Variants in TACC2 observed in about 807,000 individuals in gnomAD.
TACC2 encodes the protein transforming acidic coiled-coil-containing protein 2.
TACC2 carries 137 observed loss-of-function variants against 227.3 expected under a neutral mutation model. The ratio of observed to expected loss-of-function variants is 0.60; its 90% confidence interval spans 0.52 to 0.69. TACC2 has a LOEUF of 0.69. Ranked by LOEUF, TACC2 falls within the 30% of genes least tolerant of loss-of-function variation. The probability of loss-of-function intolerance (pLI) is 0.00; values close to 1 mark genes in which losing one functional copy is unlikely to be tolerated. For synonymous variants in TACC2, 1,523 were observed against 1,487.5 expected, an observed-to-expected ratio of 1.02 and a Z score of -0.55; for missense variants, 3,470 against 3,694.4, an observed-to-expected ratio of 0.94 and a Z score of 1.57.
intron 6 of TACC2, among the ~76,000 whole-genome samples, chr10:122,136,754 A>AT (rs2139019702): frequency 6.6e-6 from 1 of 152,184 alleles, no homozygotes; most frequent in Non-Finnish European, 1.5e-5. Flanking sequence ...GTGTTTTGCC[A>AT]TGATGGCCAG....
At chr10:122,216,947 A>C (rs934364157) in intron 11 of TACC2, 119 bp downstream of exon 11, 1 of 1,570,014 alleles carries the variant, frequency 6.4e-7, no homozygotes, top group South Asian at 1.2e-5. Flanking sequence ...TCATTGTGAG[A>C]TCGTCTGCAC....
intron 18 of TACC2, among the ~76,000 whole-genome samples, chr10:122,240,216 C>T (rs967866731): frequency 6.6e-6 from 1 of 152,206 alleles, no homozygotes; most frequent in African/African-American, 2.4e-5. Flanking sequence ...ACGTCCCTTA[C>T]CTCCTTGTGT....
At chr10:122,114,913 T>C (rs2084363562) in intron 5 of TACC2, among the ~76,000 whole-genome samples, 1 of 152,208 alleles carries the variant, frequency 6.6e-6, no homozygotes, top group Non-Finnish European at 1.5e-5. Flanking sequence ...GCTTGAACAT[T>C]TAAAATATTT....
chr10:122,214,233 T>G (rs2095355449), intron 9 of TACC2, among the ~76,000 whole-genome samples: 1 of 152,222 alleles, frequency 6.6e-6, no homozygotes, highest in South Asian at 2.1e-4. Context: ...TTTGAGCCAC[T>G]TAGCAACTAT....
intron 3 of TACC2, among the ~76,000 whole-genome samples, chr10:122,075,164 G>A (rs1352777355): frequency 1.4e-5 from 2 of 143,372 alleles, no homozygotes; most frequent in Middle Eastern, 3.6e-3. Flanking sequence ...TTTTTCTTTC[G>A]CTCTTCACAA....
chr10:122,084,228 T>G lies in TACC2; in HGVS notation c.1728T>G (p.Pro576=), dbSNP rs748429941. Residue 576 remains proline, a synonymous_variant, in exon 4 of 23, where the codon CCT becomes CCG. Coordinates refer to ENST00000369005, the MANE Select transcript of TACC2 (RefSeq NM_206862.4). ...KEGSRSPGDS[P]GGKEEAPEPP... is the part of the protein sequence containing the mutation. ...GAAGCAGATCACCTGGTGACAGCCC[T>G]GGAGGAAAGGAGGAAGCCCCAGAGC... is the stretch of plus-strand genomic sequence containing the variant. 1 of 1,613,860 alleles carries G rather than the reference T, an allele frequency of 6.2e-7. No homozygotes were observed. Among genetic ancestry groups the G allele is most frequent in the African/African-American group, 1.3e-5 (1 of 74,894 alleles).
At chr10:122,094,176 C>T (rs2081128546) in intron 5 of TACC2, among the ~76,000 whole-genome samples, 1 of 152,222 alleles carries the variant, frequency 6.6e-6, no homozygotes. Flanking sequence ...TTTGGAAATG[C>T]AGCCTTTATG....
In TACC2 at chr10:122,050,527, C is replaced by T; in HGVS notation, c.123C>T (p.Ser41=). Reference sequence around the variant, plus strand: ...GGAAGCAGCAGGACACGCCCGGAAGCCCTGACCACAGAGACGCGTCCAGGT... The same window carrying T: ...GGAAGCAGCAGGACACGCCCGGAAGTCCTGACCACAGAGACGCGTCCAGGT... The part of the protein sequence containing the change: ...IKRKQQDTPG[S]PDHRDASSIG... Residue 41 remains serine, a synonymous_variant, in exon 3 of 23, where the codon AGC becomes AGT. Transcript: ENST00000369005. The surrounding 1 kb of genome is among the most constrained non-coding windows in gnomAD (Gnocchi z 4.6). 6.2e-7 allele frequency: 1 copy of T among 1,614,032 alleles called. No individual in the cohort carries two copies. The highest frequency in any genetic ancestry group is 8.5e-7 in the Non-Finnish European group (1 of 1,179,998).
Position 122,150,435 on chromosome 10 carries a change from G to A in TACC2, c.5834+6729G>A, listed in dbSNP as rs894417631. ...GGAGCCCACCCTCCTCCCCGAGCAC[G>A]GCTGCCCAGGGACGGCCCTCGGCTT... On this transcript the variant is annotated intron_variant, in intron 7 of 22. Transcript: ENST00000369005. This position sits in a 1 kb window ranked among gnomAD's most constrained non-coding sequence, Gnocchi z 4.0. Among the ~76,000 whole-genome samples the A allele has an allele frequency of 3.9e-5, 6 of 152,196 alleles. No individual in the cohort carries two copies. The highest frequency in any genetic ancestry group is 9.6e-5 in the African/African-American group (4 of 41,458).
intron 5 of TACC2, among the ~76,000 whole-genome samples, chr10:122,131,378 C>A (rs1314594121): frequency 2.0e-5 from 3 of 151,974 alleles, no homozygotes; most frequent in African/African-American, 7.3e-5. Flanking sequence ...AGGGACCTCC[C>A]CGATGAAATA....
At chr10:122,097,225 A>G (rs2081544674) in intron 5 of TACC2, among the ~76,000 whole-genome samples, 1 of 152,146 alleles carries the variant, frequency 6.6e-6, no homozygotes, top group Non-Finnish European at 1.5e-5. Flanking sequence ...GCTATTCAGG[A>G]GGCTGAGGTG....
intron 7 of TACC2, 37 bp downstream of exon 7, chr10:122,143,743 G>A (rs926947344): frequency 5.0e-6 from 8 of 1,601,140 alleles, no homozygotes; most frequent in South Asian, 1.1e-5. Context: ...ACCTGCCCCC[G>A]GAGAGCAGGG....
chr10:122,008,264 A>ATTATTTTTTTTTT, intron 1 of TACC2, among the ~76,000 whole-genome samples: 3 of 134,654 alleles, frequency 2.2e-5, no homozygotes, highest in African/African-American at 2.8e-5. Context: ...TATTATTATT[A>ATTATTTTTTTTTT]TTTTTTTTTT....
Position 122,086,824 on chromosome 10 carries a change from C to T in TACC2, c.4324C>T (p.Leu1442Phe), listed in dbSNP as rs1394172349. 1 of 1,613,928 alleles carries T rather than the reference C, an allele frequency of 6.2e-7. No individual in the cohort carries two copies. Among genetic ancestry groups the T allele is most frequent in the Non-Finnish European group, 8.5e-7 (1 of 1,179,994 alleles). Residue 1442 changes from leucine (L) to phenylalanine (F), a missense_variant, in exon 4 of 23, where the codon CTC (leucine) becomes TTC (phenylalanine). Physicochemically the swap from Leu to Phe is conservative, Grantham distance 22. Around this residue, in one of 10 missense-constraint regions of TACC2, gnomAD observed 1,924 missense variants for 1,978.3 expected, o/e 0.97. Coordinates refer to ENST00000369005, the MANE Select transcript of TACC2 (RefSeq NM_206862.4). Reference protein sequence around the residue: ...GAGRSAVGKDLTRPLGPEKLL... With the variant: ...GAGRSAVGKDFTRPLGPEKLL... ...TGGGAGGAGTGCAGTGGGTAAAGAC[C>T]TCACCAGGCCATTGGGCCCAGAGAA...
intron 11 of TACC2, among the ~76,000 whole-genome samples, 195 bp from the exon 12 acceptor site, chr10:122,224,531 C>T (rs768240227): frequency 1.4e-4 from 22 of 152,098 alleles, no homozygotes; most frequent in African/African-American, 2.2e-4. Context: ...AGACATTTAC[C>T]GTTTGTCTGA....
chr10:122,201,264 C>G, intron 8 of TACC2, among the ~76,000 whole-genome samples: 1 of 119,192 alleles, frequency 8.4e-6, no homozygotes, highest in Admixed American at 9.3e-5. Flanking sequence ...GGCCACCTCA[C>G]CTGCCCACAG....
chr10:122,249,728 T>A, intron 22 of TACC2, 64 bp downstream of exon 22: 1 of 1,546,382 alleles, frequency 6.5e-7, no homozygotes, highest in Non-Finnish European at 8.8e-7. Context: ...TGCTGGCCAG[T>A]CCAGCTAGAC....
Position 122,235,064 on chromosome 10 carries a change from G to A in TACC2, c.8128-2331G>A, listed in dbSNP as rs192247553. 2.3e-3 allele frequency among the ~76,000 whole-genome samples: 349 copies of A among 152,048 alleles called. 2 individuals carry two copies. The highest frequency in any genetic ancestry group is 7.8e-3 in the African/African-American group (325 of 41,482). On this transcript the variant is annotated intron_variant, in intron 16 of 22. Transcript: ENST00000369005. ...TTGACTTTAAAAGTGAATAGTTTTTGTTTTTCCTTTTAAAATCCTTTGCCT... is the reference window on the plus strand; with the variant it reads ...TTGACTTTAAAAGTGAATAGTTTTTATTTTTCCTTTTAAAATCCTTTGCCT...
chr10:122,236,778 A>C (rs2095864752), intron 16 of TACC2, among the ~76,000 whole-genome samples: 1 of 152,222 alleles, frequency 6.6e-6, no homozygotes, highest in South Asian at 2.1e-4. Context: ...TCATGGCAAC[A>C]GAACTCTTAC....
Sources: gnomAD v4.1 joint callset for allele counts (sites outside exome capture counted in the v4.1 genomes callset) on GRCh38, gnomAD v4.1.1 for gene constraint, gnomAD v4.1.1 regional missense constraint, Gnocchi (gnomAD v3.1) non-coding constraint, MANE v1.5 for transcripts, NCBI Gene and HGNC (gene_info 2026-07-23, HGNC 2026-07-21) for gene names.